HIPK3: variants seen among roughly 807,000 people sequenced by gnomAD.
HIPK3 encodes the protein homeodomain-interacting protein kinase 3.
A neutral mutation model predicts 124.2 loss-of-function variants in HIPK3; 47 were observed. That is an observed-to-expected ratio of 0.38 (90% confidence interval 0.30 to 0.48). The LOEUF (loss-of-function observed/expected upper bound fraction) is 0.48. Ranked by LOEUF, HIPK3 falls within the 20% of genes least tolerant of loss-of-function variation. The pLI is 0.98. For missense variants in HIPK3, 1,286 were observed against 1,454.3 expected (o/e 0.88, Z 1.88); for synonymous variants, 482 against 515.2 (o/e 0.94, Z 0.87).
chr11:33,314,451 A>G (rs553023534), intron 2 of HIPK3, among the ~76,000 whole-genome samples: 9 of 152,198 alleles, frequency 5.9e-5, no homozygotes, highest in Admixed American at 4.6e-4. Context: ...TCAGGAGTTC[A>G]AGAGCAGCCT....
chr11:33,256,987 G>C (rs1850680814), upstream of HIPK3, among the ~76,000 whole-genome samples: 1 of 152,186 alleles, frequency 6.6e-6, no homozygotes, highest in Non-Finnish European at 1.5e-5. Flanking sequence ...TACGGTTCCG[G>C]GATCTCGAAA....
In HIPK3 at chr11:33,311,048, T is replaced by C. The variant is rs767028777; in HGVS notation, c.1098-17462T>C. On this transcript the variant is annotated intron_variant, in intron 2 of 16. Transcript: ENST00000303296. ...ACTACTACTTTCTGTTCAGCCTCTA[T>C]GCCTTACTTTGAATTGTTGACTACC... Among the ~76,000 whole-genome samples the C allele has an allele frequency of 5.4e-4, 82 of 152,352 alleles. No individual in the cohort carries two copies. In the Middle Eastern group the frequency reaches 0.01, roughly 19 times the overall value.
At chr11:33,279,451 G>A (rs1174786740) in intron 1 of HIPK3, among the ~76,000 whole-genome samples, 1 of 151,586 alleles carries the variant, frequency 6.6e-6, no homozygotes, top group Non-Finnish European at 1.5e-5. Flanking sequence ...ACTTGGTAAA[G>A]TATTTGTTTC....
upstream of HIPK3, chr11:33,257,371 T>G: frequency 1.0e-6 from 1 of 984,700 alleles, no homozygotes; most frequent in Non-Finnish European, 1.2e-6. Context: ...GGCCCGAGGC[T>G]GGGGCGGCTG....
chr11:33,295,150 T>C (rs1044349494), intron 2 of HIPK3, among the ~76,000 whole-genome samples: 1 of 152,010 alleles, frequency 6.6e-6, no homozygotes, highest in African/African-American at 2.4e-5. Flanking sequence ...ATAATGAGAA[T>C]AGACCCATTT....
chr11:33,321,628 G>T (rs1259596663), intron 2 of HIPK3, among the ~76,000 whole-genome samples: 1 of 152,172 alleles, frequency 6.6e-6, no homozygotes, highest in Non-Finnish European at 1.5e-5. Context: ...TTTTAGTAAA[G>T]TAGAATACAA....
chr11:33,325,523 T>C (rs1852783812), intron 2 of HIPK3, among the ~76,000 whole-genome samples: 1 of 152,228 alleles, frequency 6.6e-6, no homozygotes, highest in Non-Finnish European at 1.5e-5. Context: ...ATTTTTGCTT[T>C]GAATCTTTTT....
intron 2 of HIPK3, among the ~76,000 whole-genome samples, chr11:33,293,157 T>C (rs963627548): frequency 2.6e-5 from 4 of 152,230 alleles, no homozygotes; most frequent in African/African-American, 9.6e-5. Context: ...TTAAAAATTC[T>C]AGCAGAGCTC....
intron 2 of HIPK3, among the ~76,000 whole-genome samples, chr11:33,323,332 C>T (rs1266345514): frequency 1.3e-5 from 2 of 152,174 alleles, no homozygotes; most frequent in African/African-American, 4.8e-5. Flanking sequence ...CAACCTTTGC[C>T]TCCCAGTCTC....
chr11:33,277,987 A>G (rs561493538), intron 1 of HIPK3, among the ~76,000 whole-genome samples: 21 of 152,308 alleles, frequency 1.4e-4, no homozygotes, highest in Admixed American at 5.9e-4. Context: ...GTGTATTGCA[A>G]ATAACTTCTC....
intron 2 of HIPK3, among the ~76,000 whole-genome samples, chr11:33,301,897 T>A (rs968768730): frequency 4.0e-5 from 6 of 150,396 alleles, no homozygotes; most frequent in Non-Finnish European, 8.9e-5. Flanking sequence ...GTCCTTGGGC[T>A]CTGTGCCATG....
chr11:33,261,577 T>C (rs543355117), intron 1 of HIPK3, among the ~76,000 whole-genome samples: 2 of 152,312 alleles, frequency 1.3e-5, no homozygotes, highest in South Asian at 2.1e-4. Flanking sequence ...TAGTATTCCA[T>C]GGTACATATG....
At chr11:33,306,655 T>C (rs1021361706) in intron 2 of HIPK3, among the ~76,000 whole-genome samples, 3 of 152,234 alleles carry the variant, frequency 2.0e-5, no homozygotes, top group African/African-American at 7.2e-5. Context: ...ATCTGTAATA[T>C]AATGATGATA....
chr11:33,338,334 A>T (rs1393078387), intron 4 of HIPK3, among the ~76,000 whole-genome samples: 1 of 152,110 alleles, frequency 6.6e-6, no homozygotes, highest in Non-Finnish European at 1.5e-5. Context: ...CCCAGGTTCA[A>T]GTGATTCTCC....
At chr11:33,258,856 T>C (rs1850747848) in intron 1 of HIPK3, among the ~76,000 whole-genome samples, 1 of 152,136 alleles carries the variant, frequency 6.6e-6, no homozygotes, top group Admixed American at 6.5e-5. Flanking sequence ...TTAGGGAATT[T>C]GTTTTTCCAC....
rs755312894 is a variant in HIPK3 at position 33,353,155 on chromosome 11, G to A, written c.3235G>A (p.Ala1079Thr). 1.2e-6 allele frequency: 2 copies of A among 1,613,836 alleles called. No individual in the cohort carries two copies. Among genetic ancestry groups the A allele is most frequent in the Admixed American group, 3.3e-5 (2 of 59,972 alleles). The part of the protein sequence containing the change: ...NGNFGHRRQQ[A>T]YIPTSVTSNP... ...AAACTTTGGGCACAGAAGACAGCAA[G>A]CTTATATTCCTACTAGTGTTACCAG... Residue 1079 changes from alanine (A) to threonine (T), a missense_variant, in exon 17 of 17, where the codon GCT becomes ACT. Ala to Thr is a moderately conservative substitution (Grantham distance 58). Transcript: ENST00000303296.
At chr11:33,333,993 T>G (rs1853064294) in intron 3 of HIPK3, among the ~76,000 whole-genome samples, 1 of 152,186 alleles carries the variant, frequency 6.6e-6, no homozygotes, top group African/African-American at 2.4e-5. Flanking sequence ...TCCATTTTTC[T>G]GTTTCCTTAA....
intron 2 of HIPK3, among the ~76,000 whole-genome samples, chr11:33,298,969 C>T (rs1488278568): frequency 6.6e-6 from 1 of 152,004 alleles, no homozygotes; most frequent in South Asian, 2.1e-4. Context: ...GCCTCAGCCT[C>T]CCAAGTAGCT....
intron 2 of HIPK3, among the ~76,000 whole-genome samples, chr11:33,297,938 C>T (rs2133920768): frequency 6.6e-6 from 1 of 151,960 alleles, no homozygotes; most frequent in East Asian, 1.9e-4. Flanking sequence ...TACAGGGGCG[C>T]ACTACCATGC....
Sources: gnomAD v4.1 joint callset for allele counts (sites outside exome capture counted in the v4.1 genomes callset) on GRCh38, gnomAD v4.1.1 for gene constraint, MANE v1.5 for transcripts, NCBI Gene and HGNC (gene_info 2026-07-23, HGNC 2026-07-21) for gene names.